The following C16orf89 variants were observed in gnomAD, a reference collection of about 807,000 sequenced individuals.
The protein encoded by C16orf89 is UPF0764 protein C16orf89.
A neutral mutation model predicts 41.5 loss-of-function variants in C16orf89; 57 were observed. The ratio of observed to expected loss-of-function variants is 1.38; its 90% CI spans 1.11 to 1.71. The LOEUF is 1.71. Ranked by LOEUF, C16orf89 falls within the 40% of genes most tolerant of loss-of-function variation. C16orf89 has a pLI of 0.00. For synonymous variants in C16orf89, 223 were observed against 190.6 expected (o/e 1.17, Z -1.40); for missense variants, 575 against 445.9 (o/e 1.29, Z -2.61).
intron 1 of C16orf89, 35 bp downstream of exon 1, chr16:5,065,666 C>G (rs760459531): frequency 7.6e-6 from 12 of 1,581,026 alleles, no homozygotes; most frequent in Non-Finnish European, 9.5e-6. Context: ...AGCTAGCTTC[C>G]CAGTGTCCAG....
Position 5,056,185 on chromosome 16 carries a change from C to T in C16orf89, c.631G>A (p.Gly211Arg). Residue 211 changes from glycine to arginine, a missense_variant, in exon 5 of 8, where the codon GGG (glycine) becomes AGG (arginine). Physicochemically the swap from Gly to Arg is moderately radical, Grantham distance 125. Transcript: ENST00000472572. ...TGTTGGAGTGGTCCCTGTGTGCACC[C>T]CCTCTGGGGAGACAAACACCCAAAG... is the stretch of plus-strand genomic sequence containing the variant. ...LLFFLWARMR[G>R]CTQGPLQQSQ... The T allele has an allele frequency of 1.9e-6, 3 of 1,583,980 alleles. No homozygotes were observed. Among genetic ancestry groups the T allele is most frequent in the Non-Finnish European group, 2.6e-6 (3 of 1,155,004 alleles).
Position 5,058,597 on chromosome 16 carries a change from C to G in C16orf89, c.523G>C (p.Glu175Gln), listed in dbSNP as rs373700347. ...QLLGTGTDSSEPCGLSDLCRS... is the reference protein window; with the variant it reads ...QLLGTGTDSSQPCGLSDLCRS... ...CAGAGGTCTGAGAGGCCGCAGGGCT[C>G]GCTGCTGTCCGTCCTGGGGGAAAGT... The change falls in exon 4 of 8, where the codon GAG becomes CAG. Residue 175 changes from glutamate (E) to glutamine (Q), a missense_variant. Glu to Gln is a conservative substitution (Grantham distance 29). Coordinates refer to ENST00000472572, the MANE Select transcript of C16orf89 (RefSeq NM_001098514.3). 1.2e-5 allele frequency: 20 copies of G among 1,610,986 alleles called. No individual in the cohort carries two copies. The highest frequency in any genetic ancestry group is 1.4e-5 in the Non-Finnish European group (16 of 1,179,048).
intron 1 of C16orf89, among the ~76,000 whole-genome samples, chr16:5,064,525 C>A (rs935125833): frequency 2.0e-5 from 3 of 152,240 alleles, no homozygotes; most frequent in Admixed American, 6.5e-5. Flanking sequence ...CAAAACTCCA[C>A]GAGAGCAGTT....
rs201173891 is a variant in C16orf89 at position 5,047,896 on chromosome 16, G to A, written c.937C>T (p.Arg313Ter). The A allele has an allele frequency of 7.9e-5, 126 of 1,590,272 alleles. No homozygotes were observed. The highest frequency in any genetic ancestry group is 9.1e-5 in the Non-Finnish European group (106 of 1,159,534). The change falls in exon 7 of 8, where the codon CGA (arginine) becomes TGA (stop). Residue 313 changes from arginine to a stop codon, truncating the protein, a stop_gained. Coordinates refer to ENST00000472572, the MANE Select transcript of C16orf89 (RefSeq NM_001098514.3). LOFTEE classifies it low-confidence loss of function (END_TRUNC). ...QQHFSRRVKR[R>*]EKQFPDGCSS... is the part of the protein sequence containing the mutation. ...TCATTACCTGGAAATTGTTTTTCTC[G>A]CCTCTTCACTCTCCTCGAAAAATGC...
chr16:5,046,318 G>A (rs1160240730), intron 7 of C16orf89, among the ~76,000 whole-genome samples: 1 of 151,704 alleles, frequency 6.6e-6, no homozygotes, highest in Non-Finnish European at 1.5e-5. Flanking sequence ...GTTTTTGCCT[G>A]CACTTATTTA....
chr16:5,055,222 A>G, intron 6 of C16orf89, 24 bp downstream of exon 6: 2 of 1,552,218 alleles, frequency 1.3e-6, no homozygotes, highest in Non-Finnish European at 1.8e-6. Flanking sequence ...CCCCCTTCTT[A>G]GCCAGGGCAG....
chr16:5,062,708 G>A, intron 1 of C16orf89, 134 bp from the exon 2 acceptor site: 1 of 1,038,594 alleles, frequency 9.6e-7, no homozygotes, highest in Non-Finnish European at 1.4e-6. Context: ...ACTCAGAGGG[G>A]AAGGATTTAC....
intron 7 of C16orf89, among the ~76,000 whole-genome samples, chr16:5,047,056 C>T (rs935980646): frequency 6.6e-6 from 1 of 152,182 alleles, no homozygotes; most frequent in Admixed American, 6.5e-5. Context: ...CTCCAAACTA[C>T]ATTTCCCAGG....
chr16:5,059,477 AAAAT>A (rs1032677513), intron 3 of C16orf89, among the ~76,000 whole-genome samples: 10 of 152,124 alleles, frequency 6.6e-5, no homozygotes, highest in African/African-American at 2.2e-4. Context: ...CAAAAAAATA[AAAAT>A]AAATAAAAAT....
At chr16:5,045,792 T>C (rs1019970705) in intron 7 of C16orf89, among the ~76,000 whole-genome samples, 1 of 152,112 alleles carries the variant, frequency 6.6e-6, no homozygotes, top group Non-Finnish European at 1.5e-5. Flanking sequence ...CCTCAAACCC[T>C]GTGCTCCTAA....
intron 6 of C16orf89, among the ~76,000 whole-genome samples, chr16:5,054,815 G>T (rs1326532267): frequency 6.6e-6 from 1 of 152,136 alleles, no homozygotes; most frequent in Admixed American, 6.5e-5. Context: ...GTTTCCCTTT[G>T]TGCTTGCTTC....
chr16:5,059,837 A>ATAGGATGGGGTTGGAGG (rs2142659714), intron 3 of C16orf89, among the ~76,000 whole-genome samples: 1 of 146,466 alleles, frequency 6.8e-6, no homozygotes, highest in South Asian at 2.4e-4. Context: ...GGGGTCAGAG[A>ATAGGATGGGGTTGGAGG]TAGGATGGGG....
Position 5,065,953 on chromosome 16 carries a change from C to T in C16orf89, c.-45G>A. ...CTGGTCACACGCTCAGCACCCTGAG[C>T]TCTGGCCAAGCCCAGACTGCCTCTG... On this transcript the variant is annotated 5_prime_UTR_variant, in exon 1 of 8. Coordinates refer to ENST00000472572, the MANE Select transcript of C16orf89 (RefSeq NM_001098514.3). 1 of 1,602,196 alleles carries T rather than the reference C, an allele frequency of 6.2e-7. No homozygotes were observed.
intron 6 of C16orf89, among the ~76,000 whole-genome samples, chr16:5,049,584 C>T (rs1430549288): frequency 6.6e-6 from 1 of 152,134 alleles, no homozygotes. Flanking sequence ...GGAAATTAAA[C>T]AACATGTTCC....
At chr16:5,046,967 G>A (rs571396095) in intron 7 of C16orf89, among the ~76,000 whole-genome samples, 22 of 152,268 alleles carry the variant, frequency 1.4e-4, no homozygotes, top group African/African-American at 5.1e-4. Context: ...CACCAAAACT[G>A]TTCTGGTCAC....
intron 7 of C16orf89, chr16:5,044,736 C>G: frequency 9.9e-7 from 1 of 1,012,788 alleles, no homozygotes; most frequent in Non-Finnish European, 1.4e-6. Context: ...CCCAGCTACT[C>G]GGGAGGATGA....
rs562490374 is a variant in C16orf89, at chr16:5,046,278, C to G, written c.955+1600G>C. Among the ~76,000 whole-genome samples, 7 of 152,300 alleles carry G rather than the reference C, an allele frequency of 4.6e-5. No individual in the cohort carries two copies. The South Asian group carries it at 1.5e-3, about 32-fold the overall frequency. Reference sequence around the variant, plus strand: ...TACCCACATATGTTGGACATCCACTCTGTGAGCTGGCTATTCCATATCCCT... The same window carrying G: ...TACCCACATATGTTGGACATCCACTGTGTGAGCTGGCTATTCCATATCCCT... On this transcript the variant is annotated intron_variant, in intron 7 of 7. Coordinates refer to ENST00000472572, the MANE Select transcript of C16orf89 (RefSeq NM_001098514.3).
At chr16:5,050,568 A>G (rs1956377736) in intron 6 of C16orf89, among the ~76,000 whole-genome samples, 2 of 152,222 alleles carry the variant, frequency 1.3e-5, no homozygotes, top group East Asian at 1.9e-4. Context: ...TATTTAAAGA[A>G]CAAATACCAA....
At chr16:5,055,476 A>G (rs1483405569) in intron 5 of C16orf89, 126 bp from the exon 6 acceptor site, 4 of 1,017,836 alleles carry the variant, frequency 3.9e-6, no homozygotes, top group Non-Finnish European at 5.8e-6. Flanking sequence ...TGGGCGTTCA[A>G]TGCAGAGGAG....
Sources: gnomAD v4.1 joint callset for allele counts (sites outside exome capture counted in the v4.1 genomes callset) on GRCh38, gnomAD v4.1.1 for gene constraint, MANE v1.5 for transcripts, NCBI Gene and HGNC (gene_info 2026-07-23, HGNC 2026-07-21) for gene names.